Variants in NTRK3 observed in about 807,000 individuals in gnomAD.
The protein encoded by NTRK3 is NT-3 growth factor receptor.
In NTRK3, 24 loss-of-function variants were observed where a neutral mutation model predicts 91.7. The observed-to-expected ratio is 0.26, with a 90% CI of 0.19 to 0.37. The LOEUF (loss-of-function observed/expected upper bound fraction) is 0.37, where lower values mean the gene tolerates loss of function less well. Ranked by LOEUF, NTRK3 falls within the 10% of genes least tolerant of loss-of-function variation. NTRK3 has a pLI of 1.00. For synonymous variants in NTRK3, 483 were observed against 404.0 expected, an observed-to-expected ratio of 1.20 and a Z score of -2.34; for missense variants, 880 against 1,068.9, an observed-to-expected ratio of 0.82 and a Z score of 2.46.
In NTRK3 at chr15:87,929,158, GGCTGAGTCCTGCA is replaced by G; in HGVS notation, c.2133+20_2133+32del. The G allele has an allele frequency of 6.2e-7, 1 of 1,614,104 alleles. No homozygotes were observed. On this transcript the variant is annotated intron_variant, in intron 17 of 18. Transcript: ENST00000394480. The stretch of plus-strand genomic sequence containing the variant: ...CATGTAAGCAAGGCGCTAGCTCTGT[GGCTGAGTCCTGCA>G]GCTGGGAAAGTCACTTTACCCTGTA...
Position 87,880,241 on chromosome 15 carries a change from A to G in NTRK3, c.2292+29T>C, listed in dbSNP as rs375862269. 2.0e-5 allele frequency: 32 copies of G among 1,613,704 alleles called. No homozygotes were observed. The Middle Eastern group carries it at 5.0e-4, about 25-fold the overall frequency. On this transcript the variant is annotated intron_variant, in intron 18 of 18. Coordinates refer to ENST00000394480, the Ensembl canonical transcript of NTRK3. Reference sequence around the variant, plus strand: ...GATAGCTCTTATGAGCCCTCCCCCAATCAAGATTCCTACGCACCCCCTTTT... The same window carrying G: ...GATAGCTCTTATGAGCCCTCCCCCAGTCAAGATTCCTACGCACCCCCTTTT...
chr15:88,158,520 C>T (rs996588845), intron 5 of NTRK3, among the ~76,000 whole-genome samples: 3 of 152,244 alleles, frequency 2.0e-5, no homozygotes, highest in African/African-American at 4.8e-5. Context: ...TGGCCACCTG[C>T]ATCTGGGTCT....
chr15:87,944,557 T>C (rs1048058906), intron 14 of NTRK3, among the ~76,000 whole-genome samples: 1 of 152,200 alleles, frequency 6.6e-6, no homozygotes, highest in Non-Finnish European at 1.5e-5. Context: ...ACTCTCTTGT[T>C]TATGACTCCG....
rs1217455349 is a variant in NTRK3 at position 88,240,988 on chromosome 15, G to T, written c.248+14918C>A. Among the ~76,000 whole-genome samples, 1 of 152,230 alleles carries T rather than the reference G, an allele frequency of 6.6e-6. No homozygotes were observed. Among genetic ancestry groups the T allele is most frequent in the East Asian group, 1.9e-4 (1 of 5,188 alleles). ...TGCTGTGGGCCTGGGGGACATTCTG[G>T]TGCAGGAAATGAGCCTGTTACAGTC... On this transcript the variant is annotated intron_variant, in intron 3 of 18. Transcript: ENST00000394480. This position sits in a 1 kb window ranked among gnomAD's most constrained non-coding sequence, Gnocchi z 4.9.
chr15:87,935,065 C>T lies in NTRK3; in HGVS notation c.1717-1881G>A, dbSNP rs555938946. ...TGGGGAAGTAACTTGCCAAAGATCA[C>T]GTAACAAGTAACAGCTTGAGTCTGG... On this transcript the variant is annotated intron_variant, in intron 15 of 18. Coordinates refer to ENST00000394480, the Ensembl canonical transcript of NTRK3. Among the ~76,000 whole-genome samples the T allele has an allele frequency of 1.8e-4, 27 of 152,264 alleles. 1 individual carries two copies. Among genetic ancestry groups the T allele is most frequent in the Non-Finnish European group, 2.6e-4 (18 of 68,022 alleles).
chr15:88,144,445 A>G (rs1257804664), intron 6 of NTRK3, among the ~76,000 whole-genome samples: 5 of 152,056 alleles, frequency 3.3e-5, no homozygotes, highest in Non-Finnish European at 5.9e-5. Context: ...TGAGATGGTA[A>G]CTTGTTTGTT....
intron 14 of NTRK3, among the ~76,000 whole-genome samples, chr15:87,953,654 C>A (rs1449578448): frequency 6.6e-6 from 1 of 152,176 alleles, no homozygotes; most frequent in Non-Finnish European, 1.5e-5. Context: ...AAGGTGAGGT[C>A]TCTGGGGCAT....
At chr15:88,184,988 C>G (rs1040467479) in intron 3 of NTRK3, among the ~76,000 whole-genome samples, 1 of 152,218 alleles carries the variant, frequency 6.6e-6, no homozygotes, top group Non-Finnish European at 1.5e-5. Flanking sequence ...CAAACCCTAG[C>G]TTCATCTGAG....
chr15:88,194,150 T>C (rs1461094927), intron 3 of NTRK3, among the ~76,000 whole-genome samples: 1 of 152,262 alleles, frequency 6.6e-6, no homozygotes, highest in Non-Finnish European at 1.5e-5. Flanking sequence ...CTTCCTTGAC[T>C]ACACTCTCTC....
intron 13 of NTRK3, among the ~76,000 whole-genome samples, chr15:88,114,004 T>TC (rs1567440249): frequency 6.6e-6 from 1 of 151,026 alleles, no homozygotes; most frequent in African/African-American, 2.4e-5. Context: ...CTTTAATCAG[T>TC]ACCCCCCCCA....
chr15:88,186,615 A>G (rs1318068670), intron 3 of NTRK3, among the ~76,000 whole-genome samples: 1 of 152,228 alleles, frequency 6.6e-6, no homozygotes, highest in Non-Finnish European at 1.5e-5. Context: ...GCAGCCCCAG[A>G]GCTAAAAATA....
intron 14 of NTRK3, among the ~76,000 whole-genome samples, chr15:88,001,300 T>C (rs1596616857): frequency 6.6e-6 from 1 of 152,202 alleles, no homozygotes; most frequent in East Asian, 1.9e-4. Context: ...CTCTTCATTT[T>C]CTTGTTGGTG....
At chr15:87,886,883 A>C (rs965667499) in intron 17 of NTRK3, among the ~76,000 whole-genome samples, 1 of 151,424 alleles carries the variant, frequency 6.6e-6, no homozygotes, top group Non-Finnish European at 1.5e-5. Flanking sequence ...TCTATTTATC[A>C]AAAAATTAAT....
At chr15:87,867,049 C>T in exon 19 of NTRK3, 1 of 222,822 alleles carries the variant, frequency 4.5e-6, no homozygotes. Flanking sequence ...GAAAGGCTCC[C>T]CTTTCCTAAC....
intron 18 of NTRK3, 129 bp downstream of exon 19, chr15:87,880,141 C>T (rs952469485): frequency 3.4e-5 from 40 of 1,170,516 alleles, no homozygotes; most frequent in Admixed American, 6.9e-5. Flanking sequence ...TCTGCTCCCA[C>T]TAATGCCTGC....
intron 13 of NTRK3, among the ~76,000 whole-genome samples, chr15:88,082,226 C>T (rs575690529): frequency 1.4e-4 from 21 of 149,380 alleles, no homozygotes; most frequent in African/African-American, 4.5e-4. Flanking sequence ...TGCAGTGAGC[C>T]GAGATCGTGC....
At chr15:87,956,653 C>T (rs2071693750) in intron 14 of NTRK3, among the ~76,000 whole-genome samples, 1 of 151,998 alleles carries the variant, frequency 6.6e-6, no homozygotes. Context: ...CACAACAACC[C>T]CCGCCTCCTG....
intron 17 of NTRK3, among the ~76,000 whole-genome samples, chr15:87,889,576 T>C (rs1026838067): frequency 6.6e-6 from 1 of 152,004 alleles, no homozygotes; most frequent in African/African-American, 2.4e-5. Context: ...GGCTCATTAG[T>C]TTCCATATTG....
At chr15:87,863,284 A>G (rs1456626907) in exon 19 of NTRK3, 1 of 226,150 alleles carries the variant, frequency 4.4e-6, no homozygotes, top group Non-Finnish European at 8.8e-6. Flanking sequence ...GCTCCGGTAG[A>G]TAGGAAATAA....
Sources: gnomAD v4.1 joint callset for allele counts (sites outside exome capture counted in the v4.1 genomes callset) on GRCh38, gnomAD v4.1.1 for gene constraint, Gnocchi (gnomAD v3.1) non-coding constraint, MANE v1.5 for transcripts, NCBI Gene and HGNC (gene_info 2026-07-23, HGNC 2026-07-21) for gene names.